RAB27B: variants seen among roughly 807,000 people sequenced by gnomAD.
RAB27B encodes ras-related protein Rab-27B.
A neutral mutation model predicts 24.6 loss-of-function variants in RAB27B; 15 were observed. The observed-to-expected ratio is 0.61, with a 90% CI of 0.41 to 0.94. The LOEUF (loss-of-function observed/expected upper bound fraction) is 0.94, where lower values mean the gene tolerates loss of function less well. Ranked by LOEUF, RAB27B falls within the 40% of genes least tolerant of loss-of-function variation. The pLI is 0.00. For synonymous variants in RAB27B, 105 were observed against 92.5 expected, an observed-to-expected ratio of 1.14 and a Z score of -0.78; for missense variants, 261 against 266.8, an observed-to-expected ratio of 0.98 and a Z score of 0.15.
intron 1 of RAB27B, among the ~76,000 whole-genome samples, chr18:54,848,918 C>A (rs1016015856): frequency 6.6e-6 from 1 of 152,048 alleles, no homozygotes; most frequent in Non-Finnish European, 1.5e-5. Context: ...AAAAAAGTAT[C>A]ACTTTGATTA....
chr18:54,807,977 C>G (rs1210470047), intron 2 of RAB27B, among the ~76,000 whole-genome samples: 1 of 152,132 alleles, frequency 6.6e-6, no homozygotes, highest in Non-Finnish European at 1.5e-5. Flanking sequence ...CTGTTTGTAT[C>G]TTTTGAAGCA....
chr18:54,850,883 A>C (rs1250241413), intron 1 of RAB27B, among the ~76,000 whole-genome samples: 2 of 151,852 alleles, frequency 1.3e-5, no homozygotes, highest in Non-Finnish European at 2.9e-5. Flanking sequence ...TGTTGTATTT[A>C]AAAGAAAAGG....
At chr18:54,787,382 A>G (rs997793632) in intron 2 of RAB27B, among the ~76,000 whole-genome samples, 7 of 152,198 alleles carry the variant, frequency 4.6e-5, no homozygotes, top group Non-Finnish European at 8.8e-5. Context: ...TCCAAGTATA[A>G]CTATAGTGTT....
intron 4 of RAB27B, among the ~76,000 whole-genome samples, 171 bp from the exon 5 acceptor site, chr18:54,887,824 G>A (rs111239973): frequency 2.6e-5 from 4 of 152,174 alleles, no homozygotes; most frequent in African/African-American, 7.2e-5. Flanking sequence ...TGTTATCTCC[G>A]TTTTACAGAT....
intron 1 of RAB27B, among the ~76,000 whole-genome samples, chr18:54,846,384 T>A (rs951445909): frequency 6.6e-6 from 1 of 152,282 alleles, no homozygotes; most frequent in East Asian, 1.9e-4. Flanking sequence ...TGGTATTCAC[T>A]AATTCAGTGT....
intron 1 of RAB27B, among the ~76,000 whole-genome samples, chr18:54,834,005 T>G (rs1568086898): frequency 6.6e-6 from 1 of 152,218 alleles, no homozygotes; most frequent in African/African-American, 2.4e-5. Context: ...TGACTTCTAC[T>G]GGGAGGTTGA....
chr18:54,816,758 G>C (rs1458794812), intron 2 of RAB27B, among the ~76,000 whole-genome samples: 5 of 152,088 alleles, frequency 3.3e-5, no homozygotes, highest in African/African-American at 1.2e-4. Flanking sequence ...GTTGTGGTGA[G>C]GCTAAGGGCA....
Position 54,732,352 on chromosome 18 carries a change from A to T in RAB27B, c.-20+14211A>T, listed in dbSNP as rs181598023. Among the ~76,000 whole-genome samples the T allele has an allele frequency of 2.0e-3, 307 of 152,330 alleles. 1 individual carries two copies. The highest frequency in any genetic ancestry group is 7.2e-3 in the African/African-American group (298 of 41,584). ...ATACTCTGCCTCTGTTAATATATTC[A>T]AACTTTACAGTTTTGGAATATATAA... On this transcript the variant is annotated intron_variant, in intron 2 of 4. Coordinates refer to the RAB27B transcript ENST00000586570.
intron 4 of RAB27B, 70 bp downstream of exon 4, chr18:54,884,506 C>T: frequency 2.0e-6 from 2 of 978,272 alleles, no homozygotes; most frequent in Non-Finnish European, 3.2e-6. Flanking sequence ...GTTGGTCTTG[C>T]AAGATGAAAC....
intron 1 of RAB27B, among the ~76,000 whole-genome samples, chr18:54,841,733 G>A (rs1386855729): frequency 6.6e-6 from 1 of 152,178 alleles, no homozygotes; most frequent in Non-Finnish European, 1.5e-5. Flanking sequence ...AATGGCCAAA[G>A]TCAAAGATAT....
At chr18:54,777,547 CA>C (rs1598896664) in intron 2 of RAB27B, among the ~76,000 whole-genome samples, 1 of 152,166 alleles carries the variant, frequency 6.6e-6, no homozygotes, top group African/African-American at 2.4e-5. Flanking sequence ...TGTGGAGCAG[CA>C]TGGAAATGAT....
At chr18:54,795,967 A>G (rs570897577) in intron 2 of RAB27B, among the ~76,000 whole-genome samples, 7 of 152,168 alleles carry the variant, frequency 4.6e-5, no homozygotes, top group Non-Finnish European at 1.0e-4. Context: ...ACATGTATAC[A>G]CCCGTGAAGC....
At chr18:54,793,314 G>A (rs1384317724) in intron 2 of RAB27B, among the ~76,000 whole-genome samples, 4 of 152,040 alleles carry the variant, frequency 2.6e-5, no homozygotes, top group Non-Finnish European at 4.4e-5. Context: ...CTAGCAAACC[G>A]ACTTAGGGAA....
At chr18:54,733,121 C>T (rs1200877187) in intron 2 of RAB27B, among the ~76,000 whole-genome samples, 3 of 152,110 alleles carry the variant, frequency 2.0e-5, no homozygotes, top group Non-Finnish European at 4.4e-5. Context: ...TCATAGCTCA[C>T]TGTAACCTCA....
At chr18:54,811,906 A>G (rs934446959) in intron 2 of RAB27B, among the ~76,000 whole-genome samples, 5 of 152,210 alleles carry the variant, frequency 3.3e-5, no homozygotes, top group African/African-American at 1.2e-4. Context: ...CATTCACTCA[A>G]TGCCCATATT....
intron 2 of RAB27B, among the ~76,000 whole-genome samples, chr18:54,730,921 T>C (rs1909710883): frequency 6.6e-6 from 1 of 152,212 alleles, no homozygotes; most frequent in Admixed American, 6.5e-5. Flanking sequence ...TTACTGTTTT[T>C]CTCTCTGTGA....
intron 3 of RAB27B, among the ~76,000 whole-genome samples, chr18:54,882,506 G>T (rs1264240138): frequency 6.6e-6 from 1 of 152,170 alleles, no homozygotes; most frequent in African/African-American, 2.4e-5. Context: ...CAGGAGGAGC[G>T]CATAGCCCAC....
intron 1 of RAB27B, among the ~76,000 whole-genome samples, chr18:54,846,942 C>T (rs1399584300): frequency 2.0e-5 from 3 of 151,532 alleles, no homozygotes; most frequent in Non-Finnish European, 2.9e-5. Flanking sequence ...ACTCCACCTC[C>T]TGGGTTCGAG....
Position 54,874,656 on chromosome 18 carries a change from C to T in RAB27B, c.-19-2911C>T, listed in dbSNP as rs193042525. On this transcript the variant is annotated intron_variant, in intron 1 of 5. Transcript: ENST00000262094. The stretch of plus-strand genomic sequence containing the variant: ...TTCTTTTCACTTTTTCTGGGAGCCA[C>T]GAAATCCAATGTCTTCAATTTCACA... 7.6e-4 allele frequency among the ~76,000 whole-genome samples: 116 copies of T among 152,014 alleles called. No homozygotes were observed. In the East Asian group the frequency reaches 0.012, roughly 16 times the overall value.
Sources: allele counts gnomAD v4.1 joint callset (sites outside exome capture counted in the v4.1 genomes callset), GRCh38; gene constraint gnomAD v4.1.1; transcripts MANE v1.5; gene names NCBI Gene and HGNC (gene_info 2026-07-23, HGNC 2026-07-21).